The following CBL variants were observed in gnomAD, a reference collection of about 807,000 sequenced individuals.
CBL encodes the protein Cbl proto-oncogene, also known as E3 ubiquitin-protein ligase CBL.
CBL carries 45 observed loss-of-function variants against 96.9 expected under a neutral mutation model. That is an observed-to-expected ratio of 0.46 (90% CI 0.37 to 0.60). CBL has a LOEUF of 0.60. CBL is among the 20% of genes least tolerant of loss of function. The pLI is 0.00. For missense variants in CBL, 1,024 were observed against 1,143.5 expected (o/e 0.90, Z 1.51); for synonymous variants, 420 against 426.8 (o/e 0.98, Z 0.20).
Position 119,273,879 on chromosome 11 carries a change from C to A in CBL, c.602C>A (p.Pro201His). The change falls in exon 4 of 16, where the codon CCT (proline) becomes CAT (histidine). Residue 201 changes from proline (P) to histidine (H), a missense_variant. Physicochemically the swap from Pro to His is moderately conservative, Grantham distance 77. Coordinates refer to ENST00000264033, the MANE Select transcript of CBL (RefSeq NM_005188.4). ...RKAFGEKTIV[P>H]WKSFRQALHE... ...CACCCCCTCCCCAGGACAATAGTCC[C>A]TTGGAAGAGCTTTCGACAGGCTCTA... The A allele has an allele frequency of 6.2e-7, 1 of 1,614,052 alleles. No individual in the cohort carries two copies. The highest frequency in any genetic ancestry group is 1.1e-5 in the South Asian group (1 of 91,074).
chr11:119,282,457 A>G (rs1949943993), intron 9 of CBL, among the ~76,000 whole-genome samples: 1 of 152,212 alleles, frequency 6.6e-6, no homozygotes, highest in South Asian at 2.1e-4. Flanking sequence ...TGATCGGCAG[A>G]GAGGGCCTTC....
At chr11:119,261,290 A>G (rs1401415121) in intron 2 of CBL, among the ~76,000 whole-genome samples, 5 of 152,194 alleles carry the variant, frequency 3.3e-5, no homozygotes, top group Non-Finnish European at 5.9e-5. Context: ...ATATTCGGAC[A>G]GAGAACATTC....
intron 2 of CBL, among the ~76,000 whole-genome samples, chr11:119,245,990 T>TG: frequency 1.0e-5 from 1 of 96,032 alleles, no homozygotes; most frequent in Non-Finnish European, 2.0e-5. Flanking sequence ...TTTTTTTTTT[T>TG]GAGGAGATGG....
rs781391579 is a variant in CBL at position 119,301,435 on chromosome 11, C to T, written c.*1654C>T. ...GTGTAAGCTTTCTCCATGTCAGAAGCAAGCCTGCTCTTTGATAAATCTGTC... is the reference window on the plus strand; with the variant it reads ...GTGTAAGCTTTCTCCATGTCAGAAGTAAGCCTGCTCTTTGATAAATCTGTC... On this transcript the variant is annotated 3_prime_UTR_variant, in exon 16 of 16. Coordinates refer to ENST00000264033, the MANE Select transcript of CBL (RefSeq NM_005188.4). The T allele has an allele frequency of 4.3e-5, 10 of 233,122 alleles. No individual in the cohort carries two copies. The highest frequency in any genetic ancestry group is 6.8e-5 in the Non-Finnish European group (8 of 118,040). 14.4% of individuals were successfully genotyped at this position (233,122 alleles called of 1,614,324 possible). A position where few individuals can be genotyped will look rare whatever the true frequency, so the allele number is the denominator to read the frequency against.
At chr11:119,216,384 A>ATTTATTTT (rs1949360551) in intron 1 of CBL, among the ~76,000 whole-genome samples, 1 of 135,994 alleles carries the variant, frequency 7.4e-6, no homozygotes, top group Non-Finnish European at 1.6e-5. Context: ...TTATTTATTT[A>ATTTATTTT]TTTTTTGAGA....
chr11:119,207,940 T>C (rs1949287437), intron 1 of CBL, among the ~76,000 whole-genome samples: 1 of 152,252 alleles, frequency 6.6e-6, no homozygotes, highest in South Asian at 2.1e-4. Flanking sequence ...AAATGCTTAA[T>C]AAGTCCTGTG....
intron 2 of CBL, among the ~76,000 whole-genome samples, chr11:119,252,450 G>A (rs1339446127): frequency 6.6e-6 from 1 of 152,144 alleles, no homozygotes; most frequent in Non-Finnish European, 1.5e-5. Flanking sequence ...CTTAGGGAAA[G>A]AAAATCTTCC....
intron 2 of CBL, among the ~76,000 whole-genome samples, chr11:119,258,473 T>G (rs1020184862): frequency 1.3e-5 from 2 of 152,082 alleles, no homozygotes; most frequent in African/African-American, 2.4e-5. Context: ...CTGAGAACTC[T>G]ATCACTGTAT....
chr11:119,294,646 C>T (rs1186554863), intron 12 of CBL, among the ~76,000 whole-genome samples: 1 of 151,866 alleles, frequency 6.6e-6, no homozygotes, highest in Admixed American at 6.6e-5. Context: ...CAAAAATTAG[C>T]TGGGTGTGGT....
intron 2 of CBL, among the ~76,000 whole-genome samples, chr11:119,243,322 T>G (rs1949601443): frequency 6.6e-6 from 1 of 151,922 alleles, no homozygotes; most frequent in Non-Finnish European, 1.5e-5. Flanking sequence ...AGTTCACTGG[T>G]AGGATATTTA....
intron 1 of CBL, among the ~76,000 whole-genome samples, chr11:119,220,690 G>A (rs1225470951): frequency 6.6e-6 from 1 of 152,202 alleles, no homozygotes; most frequent in Non-Finnish European, 1.5e-5. Flanking sequence ...TGCAGTTGAT[G>A]TGGTAGGTGA....
In CBL at chr11:119,284,877, C is replaced by T. The variant is rs979355810; in HGVS notation, c.1432-92C>T. On this transcript the variant is annotated intron_variant, in intron 9 of 15. Coordinates refer to ENST00000264033, the MANE Select transcript of CBL (RefSeq NM_005188.4). ...CTGGCCCATTTGTAGTTTAAGTGTT[C>T]CCATGGTATTTGCCATCCACAGCTT... is the stretch of plus-strand genomic sequence containing the variant. The T allele has an allele frequency of 2.0e-6, 3 of 1,483,504 alleles. No homozygotes were observed. The Admixed American group carries it at 5.0e-5, about 25-fold the overall frequency. 91.9% of individuals were successfully genotyped at this position (1,483,504 alleles called of 1,614,324 possible).
At chr11:119,273,543 C>T (rs569881334) in intron 3 of CBL, among the ~76,000 whole-genome samples, 50 of 152,324 alleles carry the variant, frequency 3.3e-4, no homozygotes, top group African/African-American at 1.1e-3. Context: ...CCCTCAGCCT[C>T]CAGAGTAGCT....
intron 2 of CBL, among the ~76,000 whole-genome samples, chr11:119,237,887 T>G (rs1949557159): frequency 6.6e-6 from 1 of 152,160 alleles, no homozygotes; most frequent in Non-Finnish European, 1.5e-5. Flanking sequence ...TTCTTTTTTT[T>G]TTGAGATGAA....
chr11:119,225,082 T>G (rs1949447357), intron 1 of CBL, among the ~76,000 whole-genome samples: 1 of 150,764 alleles, frequency 6.6e-6, no homozygotes, highest in African/African-American at 2.4e-5. Context: ...GTGCGCGCGC[T>G]TGTATGTATG....
chr11:119,225,573 A>T (rs1949451680), intron 1 of CBL, among the ~76,000 whole-genome samples: 1 of 151,684 alleles, frequency 6.6e-6, no homozygotes, highest in East Asian at 1.9e-4. Context: ...AATTTTTGGT[A>T]TTTTTTGTAG....
At chr11:119,279,243 C>G (rs1476021878) in intron 9 of CBL, among the ~76,000 whole-genome samples, 3 of 151,434 alleles carry the variant, frequency 2.0e-5, no homozygotes, top group African/African-American at 7.3e-5. Flanking sequence ...TAGCTCATGC[C>G]TATAATCCCA....
rs546435318 is a variant in CBL at position 119,283,344 on chromosome 11, T to G, written c.1432-1625T>G. ...AGCAAAGAGTTAAAGATGAGAGCTT[T>G]TCTGTCATCCACCACCCAGCACTAA... On this transcript the variant is annotated intron_variant, in intron 9 of 15. Coordinates refer to ENST00000264033, the MANE Select transcript of CBL (RefSeq NM_005188.4). Among the ~76,000 whole-genome samples the G allele has an allele frequency of 2.0e-5, 3 of 152,288 alleles. No individual in the cohort carries two copies. The East Asian group carries it at 5.8e-4, about 29-fold the overall frequency.
intron 1 of CBL, among the ~76,000 whole-genome samples, chr11:119,209,616 C>CAA (rs35580329): frequency 7.5e-6 from 1 of 132,704 alleles, no homozygotes; most frequent in African/African-American, 2.7e-5. Flanking sequence ...GACTCCGTCT[C>CAA]AAAAAAAAAA....
Sources: allele counts gnomAD v4.1 joint callset (sites outside exome capture counted in the v4.1 genomes callset), GRCh38; gene constraint gnomAD v4.1.1; transcripts MANE v1.5; gene names NCBI Gene and HGNC (gene_info 2026-07-23, HGNC 2026-07-21).